The following SPTLC1 variants were observed in gnomAD, a reference collection of about 807,000 sequenced individuals.
The protein encoded by SPTLC1 is serine palmitoyltransferase 1.
In SPTLC1, 55 loss-of-function variants were observed where a neutral mutation model predicts 68.9. The ratio of observed to expected loss-of-function variants is 0.80; its 90% CI spans 0.64 to 1.00. SPTLC1 has a LOEUF of 1.00. SPTLC1 is among the 50% of genes least tolerant of loss of function. The pLI, the probability that SPTLC1 is intolerant of heterozygous loss-of-function variation, is 0.00. For synonymous variants in SPTLC1, 197 were observed against 201.6 expected (o/e 0.98, Z 0.19); for missense variants, 449 against 573.1 (o/e 0.78, Z 2.21).
chr9:92,095,173 A>T (rs1348764355), intron 3 of SPTLC1, among the ~76,000 whole-genome samples: 2 of 152,236 alleles, frequency 1.3e-5, no homozygotes, highest in Non-Finnish European at 2.9e-5. Context: ...AGAAGACTCC[A>T]GTAGCTAAAA....
intron 3 of SPTLC1, among the ~76,000 whole-genome samples, chr9:92,082,763 G>C (rs1164082971): frequency 6.6e-6 from 1 of 151,844 alleles, no homozygotes; most frequent in East Asian, 1.9e-4. Flanking sequence ...CCAGTAATGG[G>C]ATGGCTGGGT....
chr9:92,080,840 C>T, intron 4 of SPTLC1, 30 bp downstream of exon 4: 4 of 1,515,162 alleles, frequency 2.6e-6, no homozygotes, highest in Non-Finnish European at 3.7e-6. Context: ...GTAATGTTAT[C>T]TGTCCACTTC....
chr9:92,102,689 A>C (rs142518985), intron 3 of SPTLC1, among the ~76,000 whole-genome samples: 3,427 of 152,334 alleles, frequency 0.022, 124 homozygotes, highest in African/African-American at 0.079. Context: ...TAAAGGAATC[A>C]AAGCTTATCA....
chr9:92,075,681 C>T (rs1220425125), intron 5 of SPTLC1, among the ~76,000 whole-genome samples: 2 of 152,138 alleles, frequency 1.3e-5, no homozygotes, highest in African/African-American at 4.8e-5. Context: ...CAGGCTATGC[C>T]CCACTCACCT....
chr9:92,067,861 A>G, intron 6 of SPTLC1, 105 bp downstream of exon 6: 1 of 1,378,602 alleles, frequency 7.3e-7, no homozygotes, highest in Non-Finnish European at 1.0e-6. Flanking sequence ...AAAAACAAAA[A>G]GCAGCATTAT....
At chr9:92,038,116 A>G (rs760008024) in intron 13 of SPTLC1, 132 bp downstream of exon 13, 1 of 769,378 alleles carries the variant, frequency 1.3e-6, no homozygotes, top group Non-Finnish European at 2.4e-6. Flanking sequence ...AGAGCGGGTC[A>G]CCAGCATCTT....
intron 12 of SPTLC1, 82 bp from the exon 13 acceptor site, chr9:92,038,447 A>G (rs1027409466): frequency 7.6e-6 from 7 of 916,764 alleles, no homozygotes; most frequent in Admixed American, 6.8e-5. Flanking sequence ...TTAGAAGTCC[A>G]CAATGTCAAG....
chr9:92,049,841 T>G, intron 9 of SPTLC1, 119 bp downstream of exon 9: 3 of 792,752 alleles, frequency 3.8e-6, no homozygotes, highest in South Asian at 1.4e-5. Context: ...CACCAAAGTT[T>G]CGTGACCCTT....
chr9:92,052,427 T>A (rs1833731415), intron 8 of SPTLC1, among the ~76,000 whole-genome samples: 1 of 152,118 alleles, frequency 6.6e-6, no homozygotes, highest in African/African-American at 2.4e-5. Context: ...AAAAATGAAC[T>A]CAAATGAACT....
intron 1 of SPTLC1, chr9:92,114,962 C>A: frequency 2.6e-6 from 1 of 385,782 alleles, no homozygotes; most frequent in Non-Finnish European, 4.9e-6. Context: ...CCTTCCCAGA[C>A]GAAGGTGTTC....
intron 3 of SPTLC1, among the ~76,000 whole-genome samples, chr9:92,083,113 T>G (rs1014171459): frequency 7.9e-5 from 12 of 151,462 alleles, no homozygotes; most frequent in East Asian, 1.9e-4. Flanking sequence ...TAAATTTGTT[T>G]GAGTTCATTG....
chr9:92,074,553 C>T lies in SPTLC1; in HGVS notation c.427+5463G>A, dbSNP rs950109714. On this transcript the variant is annotated intron_variant, in intron 5 of 14. Transcript: ENST00000262554. ...CCTTCGCCTGCAACTGATCATTCAC[C>T]CCTTATCATCCCATTGAAACATGGC... Among the ~76,000 whole-genome samples the T allele has an allele frequency of 4.6e-5, 7 of 151,974 alleles. 1 individual carries two copies. The East Asian group carries it at 1.4e-3, about 29-fold the overall frequency.
Position 92,108,822 on chromosome 9 carries a change from GT to G in SPTLC1, c.177del (p.Glu59AspfsTer2). 2.5e-6 allele frequency: 4 copies of G among 1,600,180 alleles called. No homozygotes were observed. The highest frequency in any genetic ancestry group is 3.4e-6 in the Non-Finnish European group (4 of 1,171,786). ...RSDLTVKEKEELIEEWQPEPL... is the reference protein window; with the variant it reads ...RSDLTVKEKEXLIEEWQPEPL... ...GGTTCTGGTTGCCACTCTTCAATCAGTTCTTCTTTTTCCTACAGGAGAAAAA... is the reference window on the plus strand; with the variant it reads ...GGTTCTGGTTGCCACTCTTCAATCAGTCTTCTTTTTCCTACAGGAGAAAAA... On this transcript the variant is annotated frameshift_variant, in exon 3 of 15. Coordinates refer to ENST00000262554, the MANE Select transcript of SPTLC1 (RefSeq NM_006415.4). LOFTEE classifies it high-confidence loss of function.
intron 8 of SPTLC1, among the ~76,000 whole-genome samples, chr9:92,054,938 G>A (rs1242203234): frequency 6.6e-6 from 1 of 151,804 alleles, no homozygotes; most frequent in East Asian, 1.9e-4. Context: ...CTAAAGCTAA[G>A]TTTTGGCCAG....
chr9:92,104,646 T>A (rs1835888109), intron 3 of SPTLC1: 1 of 1,499,066 alleles, frequency 6.7e-7, no homozygotes, highest in Non-Finnish European at 9.0e-7. Flanking sequence ...CTCCCGAAGA[T>A]GGAGGTGAGG....
At chr9:92,034,468 C>CA (rs1462480556) in intron 14 of SPTLC1, among the ~76,000 whole-genome samples, 1 of 152,164 alleles carries the variant, frequency 6.6e-6, no homozygotes, top group African/African-American at 2.4e-5. Flanking sequence ...ATCTTCCCTG[C>CA]AGGACGGTCC....
intron 8 of SPTLC1, among the ~76,000 whole-genome samples, chr9:92,052,683 C>A (rs1833747873): frequency 6.6e-6 from 1 of 151,928 alleles, no homozygotes; most frequent in South Asian, 2.1e-4. Context: ...GCGTGTACCA[C>A]CACACCCGGC....
At chr9:92,052,279 C>G (rs1833725445) in intron 8 of SPTLC1, among the ~76,000 whole-genome samples, 1 of 152,114 alleles carries the variant, frequency 6.6e-6, no homozygotes, top group Admixed American at 6.5e-5. Context: ...TAGAAATAAA[C>G]CCATACATCT....
intron 3 of SPTLC1, chr9:92,104,495 C>A: frequency 3.5e-6 from 5 of 1,418,544 alleles, no homozygotes; most frequent in Non-Finnish European, 4.8e-6. Flanking sequence ...GTCTGGAGCC[C>A]CCCCCTCAAG....
Sources: allele counts gnomAD v4.1 joint callset (sites outside exome capture counted in the v4.1 genomes callset), GRCh38; gene constraint gnomAD v4.1.1; transcripts MANE v1.5; gene names NCBI Gene and HGNC (gene_info 2026-07-23, HGNC 2026-07-21).